Variants in ITGA7 observed in about 807,000 individuals in gnomAD.
The protein encoded by ITGA7 is integrin subunit alpha 7, also known as integrin alpha-7.
In ITGA7, 84 loss-of-function variants were observed where a neutral mutation model predicts 131.6. The ratio of observed to expected loss-of-function variants is 0.64; its 90% CI spans 0.54 to 0.77. ITGA7 has a LOEUF of 0.77. ITGA7 is among the 30% of genes least tolerant of loss of function. The pLI is 0.00. For missense variants in ITGA7, 1,399 were observed against 1,482.9 expected (o/e 0.94, Z 0.93); for synonymous variants, 548 against 600.7 (o/e 0.91, Z 1.28).
chr12:55,686,324 CG>C, intron 24 of ITGA7: 4 of 1,319,148 alleles, frequency 3.0e-6, no homozygotes, highest in Non-Finnish European at 4.0e-6. Flanking sequence ...ACTAGGATGT[CG>C]AGGGAGAAGC....
intron 21 of ITGA7, among the ~76,000 whole-genome samples, chr12:55,689,498 T>C (rs963238359): frequency 5.9e-5 from 9 of 152,088 alleles, no homozygotes; most frequent in South Asian, 4.1e-4. Flanking sequence ...AGCTCCTGGG[T>C]AGACAGGGGA....
chr12:55,689,156 G>A (rs909565335), intron 21 of ITGA7, among the ~76,000 whole-genome samples, 199 bp from the exon 22 acceptor site: 1 of 152,186 alleles, frequency 6.6e-6, no homozygotes, highest in Non-Finnish European at 1.5e-5. Context: ...AGCATGGAAG[G>A]GAATCTCTTA....
At chr12:55,700,484 C>T in intron 4 of ITGA7, 1 of 1,465,240 alleles carries the variant, frequency 6.8e-7, no homozygotes, top group Non-Finnish European at 9.2e-7. Flanking sequence ...CGGGGAAGCC[C>T]TGCCTCTTCT....
upstream of ITGA7, among the ~76,000 whole-genome samples, chr12:55,712,675 T>C (rs1876221750): frequency 6.6e-6 from 1 of 152,230 alleles, no homozygotes; most frequent in African/African-American, 2.4e-5. Flanking sequence ...ATGCGACTTG[T>C]GTCCATCTCT....
intron 5 of ITGA7, 23 bp downstream of exon 5, chr12:55,699,847 C>G: frequency 6.3e-7 from 1 of 1,591,390 alleles, no homozygotes; most frequent in Non-Finnish European, 8.5e-7. Context: ...CCCCTAGAGT[C>G]CAGGAGGTGG....
chr12:55,699,030 G>C, intron 5 of ITGA7, 113 bp from the exon 6 acceptor site: 1 of 964,108 alleles, frequency 1.0e-6, no homozygotes, highest in South Asian at 1.4e-5. Flanking sequence ...CCAAGTCACA[G>C]CTCCCCTGCA....
intron 22 of ITGA7, 98 bp from the exon 23 acceptor site, chr12:55,688,398 A>G: frequency 1.1e-6 from 1 of 933,162 alleles, no homozygotes; most frequent in South Asian, 1.4e-5. Context: ...TGCCCAACAC[A>G]GAGGATGTTT....
At chr12:55,687,288 C>T (rs1409048378) in intron 24 of ITGA7, among the ~76,000 whole-genome samples, 1 of 148,700 alleles carries the variant, frequency 6.7e-6, no homozygotes, top group African/African-American at 2.5e-5. Context: ...AGCGATTCTC[C>T]TGTCTCAGCC....
At chr12:55,687,753 G>T (rs1278440805) in intron 24 of ITGA7, among the ~76,000 whole-genome samples, 2 of 152,150 alleles carry the variant, frequency 1.3e-5, no homozygotes, top group Non-Finnish European at 2.9e-5. Context: ...GCCTCCCAAA[G>T]TGCTGAGATT....
rs1326136280 is a variant in ITGA7, at chr12:55,684,970, A to T, written c.*88T>A. On this transcript the variant is annotated 3_prime_UTR_variant, in exon 25 of 25. Transcript: ENST00000257879. Reference sequence around the variant, plus strand: ...TCCTGCCAAATCTTGATGCGACACCAGCAGCCCACTCTACCCTCTTCATCC... The same window carrying T: ...TCCTGCCAAATCTTGATGCGACACCTGCAGCCCACTCTACCCTCTTCATCC... The T allele has an allele frequency of 1.8e-6, 2 of 1,126,632 alleles. No individual in the cohort carries two copies. The highest frequency in any genetic ancestry group is 1.6e-5 in the African/African-American group (1 of 64,186). 69.8% of individuals were successfully genotyped at this position (1,126,632 alleles called of 1,614,324 possible). A position where few individuals can be genotyped will look rare whatever the true frequency, so the allele number is the denominator to read the frequency against.
rs2135990863 is a variant in ITGA7, at chr12:55,693,328, A to AAGAGAGT, written c.2536-18_2536-12dup. The AAGAGAGT allele has an allele frequency of 6.2e-7, 1 of 1,613,380 alleles. No individual in the cohort carries two copies. Among genetic ancestry groups the AAGAGAGT allele is most frequent in the East Asian group, 2.2e-5 (1 of 44,872 alleles). ...GCCTTGGTTGGAAACCTGTGGGAAA[A>AAGAGAGT]AGAGAGTATGAGGGGAGAGACCTCA... On this transcript the variant is annotated splice_polypyrimidine_tract_variant and intron_variant, in intron 19 of 24. Coordinates refer to ENST00000257879, the MANE Select transcript of ITGA7 (RefSeq NM_002206.3).
At chr12:55,708,140 C>A, upstream of ITGA7, 3 of 666,452 alleles carry the variant, frequency 4.5e-6, no homozygotes, top group East Asian at 1.4e-4. Flanking sequence ...CCCATCCCCA[C>A]CCCGGGAGTG....
chr12:55,693,084 C>T, intron 20 of ITGA7, 57 bp downstream of exon 20: 1 of 1,611,192 alleles, frequency 6.2e-7, no homozygotes, highest in Non-Finnish European at 8.5e-7. Context: ...ACTCACTACC[C>T]TTACTCCCCA....
Position 55,698,781 on chromosome 12 carries a change from A to G in ITGA7, c.927T>C (p.Val309=). The change falls in exon 6 of 25, where the codon GTT becomes GTC. Residue 309 remains valine, a synonymous_variant. Coordinates refer to ENST00000257879, the MANE Select transcript of ITGA7 (RefSeq NM_002206.3). ...AGGTCAGGCGCTCCCCAGACAGCAT[A>G]ACCTCGGGCACCAGGCGACTGGCGC... ...KDSASRLVPE[V]MLSGERLTSG... 6.2e-7 allele frequency: 1 copy of G among 1,614,094 alleles called. No individual in the cohort carries two copies. The highest frequency in any genetic ancestry group is 8.5e-7 in the Non-Finnish European group (1 of 1,179,994).
upstream of ITGA7, chr12:55,716,047 G>A (rs1345722437): frequency 1.9e-6 from 3 of 1,550,922 alleles, no homozygotes; most frequent in East Asian, 2.4e-5. Flanking sequence ...CAGCGGTCAC[G>A]TGACATGGCC....
chr12:55,709,523 A>G (rs927291563), upstream of ITGA7, among the ~76,000 whole-genome samples: 8 of 152,174 alleles, frequency 5.3e-5, no homozygotes, highest in Non-Finnish European at 1.2e-4. Flanking sequence ...GGAAATACAT[A>G]TGCTGTCAGC....
intron 24 of ITGA7, 132 bp from the exon 25 acceptor site, chr12:55,685,420 T>C (rs754151925): frequency 8.5e-6 from 7 of 828,064 alleles, no homozygotes; most frequent in Non-Finnish European, 1.4e-5. Flanking sequence ...GAATAGCATC[T>C]GGTGTGGTGG....
intron 13 of ITGA7, among the ~76,000 whole-genome samples, 179 bp downstream of exon 13, chr12:55,696,104 G>C (rs1188114753): frequency 6.6e-6 from 1 of 152,200 alleles, no homozygotes; most frequent in Non-Finnish European, 1.5e-5. Context: ...ACATGGAGTA[G>C]AGGAGCTCTG....
Position 55,707,740 on chromosome 12 carries a change from C to T in ITGA7, c.-58G>A, listed in dbSNP as rs886049669. The T allele has an allele frequency of 5.2e-6, 8 of 1,549,320 alleles. No homozygotes were observed. The highest frequency in any genetic ancestry group is 7.0e-6 in the Non-Finnish European group (8 of 1,146,180). On this transcript the variant is annotated 5_prime_UTR_variant, in exon 1 of 25. Transcript: ENST00000257879. ...CAAGGGAAATCTCGCACGCCCCAAG[C>T]CCCAGGTCCCCCCAGGCGCGTCTCT...
Sources: gnomAD v4.1 joint callset for allele counts (sites outside exome capture counted in the v4.1 genomes callset) on GRCh38, gnomAD v4.1.1 for gene constraint, MANE v1.5 for transcripts, NCBI Gene and HGNC (gene_info 2026-07-23, HGNC 2026-07-21) for gene names.